The following MACROD2 variants were observed in gnomAD, a reference collection of about 807,000 sequenced individuals.
MACROD2 encodes the protein mono-ADP ribosylhydrolase 2.
Under a neutral mutation model 70.4 loss-of-function variants are expected in MACROD2, and 36 were observed. That is an observed-to-expected ratio of 0.51 (90% CI 0.39 to 0.68). The LOEUF is 0.68. Among genes scored for constraint, MACROD2 ranks in the 30% least tolerant of loss-of-function variants. The pLI, the probability that MACROD2 is intolerant of heterozygous loss-of-function variation, is 0.00. For missense variants in MACROD2, 496 were observed against 538.4 expected (o/e 0.92, Z 0.78); for synonymous variants, 172 against 178.8 (o/e 0.96, Z 0.30).
At chr20:14,000,491 T>C (rs1314989023) in intron 1 of MACROD2, among the ~76,000 whole-genome samples, 1 of 152,202 alleles carries the variant, frequency 6.6e-6, no homozygotes, top group East Asian at 1.9e-4. Context: ...TTAAACTAGA[T>C]ACTAACTATC....
chr20:15,519,973 T>C (rs557728943), intron 8 of MACROD2, among the ~76,000 whole-genome samples: 2 of 152,282 alleles, frequency 1.3e-5, no homozygotes, highest in South Asian at 4.1e-4. Context: ...AGCCTAGAAC[T>C]CCATGCGATG....
At chr20:15,696,273 A>T (rs1056696528) in intron 8 of MACROD2, among the ~76,000 whole-genome samples, 3 of 152,176 alleles carry the variant, frequency 2.0e-5, no homozygotes, top group African/African-American at 7.2e-5. Flanking sequence ...ATTTTGTGGA[A>T]TGCTTGTTCT....
At chr20:14,973,370 G>A (rs996492945) in intron 5 of MACROD2, among the ~76,000 whole-genome samples, 1 of 151,586 alleles carries the variant, frequency 6.6e-6, no homozygotes, top group East Asian at 1.9e-4. Flanking sequence ...CTGCAGGAGC[G>A]TGCCTCCACA....
intron 5 of MACROD2, among the ~76,000 whole-genome samples, chr20:14,999,820 G>T (rs750398108): frequency 1.3e-5 from 2 of 152,260 alleles, no homozygotes; most frequent in Middle Eastern, 6.8e-3. Context: ...CAGATTAAAT[G>T]TTAAAACACA....
At chr20:14,431,161 G>C (rs554206619) in intron 3 of MACROD2, among the ~76,000 whole-genome samples, 1 of 152,194 alleles carries the variant, frequency 6.6e-6, no homozygotes, top group African/African-American at 2.4e-5. Context: ...TAGGCAGTTA[G>C]AAATAAAAAT....
chr20:14,293,722 A>G (rs1198598866), intron 3 of MACROD2, among the ~76,000 whole-genome samples: 1 of 151,806 alleles, frequency 6.6e-6, no homozygotes, highest in Non-Finnish European at 1.5e-5. Context: ...CAGATGTGTG[A>G]TAGTCCAGCA....
chr20:14,820,362 T>G (rs1401891411), intron 5 of MACROD2, among the ~76,000 whole-genome samples: 1 of 150,250 alleles, frequency 6.7e-6, no homozygotes, highest in Non-Finnish European at 1.5e-5. Context: ...TCTTCCTTTT[T>G]TTTTTTTTTT....
intron 2 of MACROD2, among the ~76,000 whole-genome samples, chr20:14,069,164 C>T (rs927794579): frequency 6.6e-6 from 1 of 152,204 alleles, no homozygotes; most frequent in African/African-American, 2.4e-5. Flanking sequence ...CCAGGCTGGT[C>T]TCAAACTCCT....
At chr20:14,831,333 G>A (rs950366420) in intron 5 of MACROD2, among the ~76,000 whole-genome samples, 2 of 152,038 alleles carry the variant, frequency 1.3e-5, no homozygotes, top group African/African-American at 2.4e-5. Flanking sequence ...TTTTATCGAC[G>A]TGACTGTTTA....
chr20:15,765,907 C>A (rs2051516388), intron 8 of MACROD2, among the ~76,000 whole-genome samples: 1 of 151,784 alleles, frequency 6.6e-6, no homozygotes, highest in South Asian at 2.1e-4. Context: ...AATGCATATA[C>A]TTTTTGTTTT....
chr20:15,281,423 T>C lies in MACROD2; in HGVS notation c.540+51362T>C, dbSNP rs533811582. ...ATGAGCCTGTAAAATCAAAAGCAAGTTAGTTACTTCCTAGATACAATGGGG... is the reference window on the plus strand; with the variant it reads ...ATGAGCCTGTAAAATCAAAAGCAAGCTAGTTACTTCCTAGATACAATGGGG... On this transcript the variant is annotated intron_variant, in intron 6 of 17. Coordinates refer to ENST00000684519, the MANE Select transcript of MACROD2 (RefSeq NM_001351661.2). Among the ~76,000 whole-genome samples the C allele has an allele frequency of 1.1e-4, 17 of 152,230 alleles. No homozygotes were observed. The South Asian group carries it at 3.3e-3, about 30-fold the overall frequency.
chr20:14,676,195 G>A (rs1273069811), intron 4 of MACROD2, among the ~76,000 whole-genome samples: 2 of 152,048 alleles, frequency 1.3e-5, no homozygotes, highest in Non-Finnish European at 2.9e-5. Context: ...GGACCAAACG[G>A]ACCTAATAGA....
At chr20:15,089,377 G>A (rs2075776281) in intron 5 of MACROD2, among the ~76,000 whole-genome samples, 1 of 152,038 alleles carries the variant, frequency 6.6e-6, no homozygotes, top group Non-Finnish European at 1.5e-5. Flanking sequence ...TGGAAAATGA[G>A]CAATTGATGG....
intron 8 of MACROD2, among the ~76,000 whole-genome samples, chr20:15,856,719 TGTTA>T (rs563422315): frequency 7.1e-4 from 108 of 152,344 alleles, no homozygotes; most frequent in Middle Eastern, 3.4e-3. Flanking sequence ...ACTGTCAGAT[TGTTA>T]GTTCTAAAAA....
At position 15,901,149 on chromosome 20, in the gene MACROD2, C is replaced by T. The variant is rs73597718; in HGVS notation, c.775+15338C>T. ...GCTGGGTTTGTCTCTCTCCTTTTTC[C>T]CTTAGGTTCACTCAGCACACTCTGC... On this transcript the variant is annotated intron_variant, in intron 10 of 17. Coordinates refer to ENST00000684519, the MANE Select transcript of MACROD2 (RefSeq NM_001351661.2). Among the ~76,000 whole-genome samples the T allele has an allele frequency of 2.4e-3, 368 of 152,118 alleles. 1 individual carries two copies. The highest frequency in any genetic ancestry group is 0.023 in the South Asian group (113 of 4,818).
At chr20:15,845,812 A>G (rs1884904807) in intron 8 of MACROD2, among the ~76,000 whole-genome samples, 1 of 152,322 alleles carries the variant, frequency 6.6e-6, no homozygotes, top group African/African-American at 2.4e-5. Flanking sequence ...GTATTGGTCT[A>G]TTATTAGCCC....
intron 3 of MACROD2, among the ~76,000 whole-genome samples, chr20:14,164,868 G>A (rs531479900): frequency 1.3e-5 from 2 of 152,178 alleles, no homozygotes; most frequent in South Asian, 4.1e-4. Context: ...GCAGGCGGCT[G>A]GGACGCATGC....
chr20:15,081,772 CTCTTAA>C (rs2075705587), intron 5 of MACROD2, among the ~76,000 whole-genome samples: 1 of 152,128 alleles, frequency 6.6e-6, no homozygotes, highest in Non-Finnish European at 1.5e-5. Flanking sequence ...CATTCCAAAA[CTCTTAA>C]TCCTATCAGG....
chr20:15,286,710 G>A (rs2077495351), intron 6 of MACROD2, among the ~76,000 whole-genome samples: 1 of 152,178 alleles, frequency 6.6e-6, no homozygotes, highest in South Asian at 2.1e-4. Flanking sequence ...TAGCCAAGAA[G>A]ACACAGTTCA....
Sources: gnomAD v4.1 joint callset for allele counts (sites outside exome capture counted in the v4.1 genomes callset) on GRCh38, gnomAD v4.1.1 for gene constraint, MANE v1.5 for transcripts, NCBI Gene and HGNC (gene_info 2026-07-23, HGNC 2026-07-21) for gene names.